KCNN1: variants seen among roughly 807,000 people sequenced by gnomAD.
The protein encoded by KCNN1 is small conductance calcium-activated potassium channel protein 1.
A neutral mutation model predicts 44.7 loss-of-function variants in KCNN1; 20 were observed. The ratio of observed to expected loss-of-function variants is 0.45; its 90% confidence interval spans 0.32 to 0.65. The LOEUF is 0.65. Ranked by LOEUF, KCNN1 falls within the 30% of genes least tolerant of loss-of-function variation. The probability of loss-of-function intolerance (pLI) is 0.05; values close to 1 mark genes in which losing one functional copy is unlikely to be tolerated. For synonymous variants in KCNN1, 324 were observed against 341.7 expected, an observed-to-expected ratio of 0.95 and a Z score of 0.57; for missense variants, 632 against 785.3, an observed-to-expected ratio of 0.80 and a Z score of 2.33.
chr19:17,957,298 AGGAG>A (rs989586487), intron 2 of KCNN1, among the ~76,000 whole-genome samples: 2 of 123,246 alleles, frequency 1.6e-5, no homozygotes, highest in Non-Finnish European at 3.4e-5. Flanking sequence ...GAGGGAGGGT[AGGAG>A]GGAGGGAGAG....
Position 17,985,113 on chromosome 19 carries a change from T to C in KCNN1, c.918-199T>C, listed in dbSNP as rs112205677. Reference sequence around the variant, plus strand: ...TCTCTGCCCCATCCAGGGAAGCAGCTTGGGGGGGCAGGCAAAGGGAATGTG... The same window carrying C: ...TCTCTGCCCCATCCAGGGAAGCAGCCTGGGGGGGCAGGCAAAGGGAATGTG... On this transcript the variant is annotated intron_variant, in intron 4 of 9. Coordinates refer to ENST00000684775, the MANE Select transcript of KCNN1 (RefSeq NM_001386974.1). Among the ~76,000 whole-genome samples the C allele has an allele frequency of 9.0e-4, 137 of 152,162 alleles. 1 individual carries two copies. Among genetic ancestry groups the C allele is most frequent in the African/African-American group, 2.9e-3 (120 of 41,514 alleles).
intron 9 of KCNN1, among the ~76,000 whole-genome samples, chr19:17,994,251 C>A (rs528954264): frequency 6.6e-6 from 1 of 151,824 alleles, no homozygotes; most frequent in African/African-American, 2.4e-5. Flanking sequence ...TTGAGACCAG[C>A]CTGGGCAGCA....
In KCNN1 at chr19:17,998,056, G is replaced by A. The variant is rs556449872; in HGVS notation, c.1378-96G>A. 1.2e-5 allele frequency: 16 copies of A among 1,354,536 alleles called. No individual in the cohort carries two copies. Among genetic ancestry groups the A allele is most frequent in the African/African-American group, 5.9e-5 (4 of 68,064 alleles). 83.9% of individuals were successfully genotyped at this position (1,354,536 alleles called of 1,614,324 possible). On this transcript the variant is annotated intron_variant, in intron 9 of 9. Transcript: ENST00000684775. This position sits in a 1 kb window ranked among gnomAD's most constrained non-coding sequence, Gnocchi z 5.4. ...TTAGTGGCTGGCACCCACCTGGAGCGTGTGGGCTGTCCCTCTCTGTCATTG... is the reference window on the plus strand; with the variant it reads ...TTAGTGGCTGGCACCCACCTGGAGCATGTGGGCTGTCCCTCTCTGTCATTG...
chr19:17,974,245 C>T lies in KCNN1; in HGVS notation c.357C>T (p.Val119=), dbSNP rs367789127. The part of the protein sequence containing the change: ...YALIFGMFGI[V]VMVTETELSW... Reference sequence around the variant, plus strand: ...TCATTTTCGGCATGTTTGGCATCGTCGTCATGGTGACGGAGACCGAGCTGT... The same window carrying T: ...TCATTTTCGGCATGTTTGGCATCGTTGTCATGGTGACGGAGACCGAGCTGT... The change falls in exon 2 of 10, where the codon GTC becomes GTT. Residue 119 remains valine, a synonymous_variant. Coordinates refer to ENST00000684775, the MANE Select transcript of KCNN1 (RefSeq NM_001386974.1). This position sits in a 1 kb window ranked among gnomAD's most constrained non-coding sequence, Gnocchi z 7.3. 1.8e-4 allele frequency: 288 copies of T among 1,606,882 alleles called. 2 individuals are homozygous for T. In the African/African-American group the frequency reaches 3.3e-3, roughly 18 times the overall value.
intron 1 of KCNN1, among the ~76,000 whole-genome samples, chr19:17,951,974 G>C (rs1328673474): frequency 2.6e-5 from 4 of 152,260 alleles, no homozygotes; most frequent in Non-Finnish European, 5.9e-5. Context: ...CCTTGGGCCA[G>C]AGGCGGCAGA....
Position 18,000,076 on chromosome 19 carries a change from T to A in KCNN1, c.*1670T>A, listed in dbSNP as rs1599388881. 2 of 454,608 alleles carry A rather than the reference T, an allele frequency of 4.4e-6. No individual in the cohort carries two copies. Among genetic ancestry groups the A allele is most frequent in the East Asian group, 7.0e-5 (1 of 14,384 alleles). 28.2% of individuals were successfully genotyped at this position (454,608 alleles called of 1,614,324 possible). A position where few individuals can be genotyped will look rare whatever the true frequency, so the allele number is the denominator to read the frequency against. ...TAAATGCTCCTTCCCGCCTGAGGGA[T>A]CACACTGGAGTCTTTGGCAGGACTC... On this transcript the variant is annotated 3_prime_UTR_variant, in exon 10 of 10. Coordinates refer to ENST00000684775, the MANE Select transcript of KCNN1 (RefSeq NM_001386974.1).
At chr19:17,967,418 A>G (rs1409005828) in intron 1 of KCNN1, 101 bp downstream of exon 1, 12 of 529,312 alleles carry the variant, frequency 2.3e-5, no homozygotes, top group Non-Finnish European at 2.9e-5. Flanking sequence ...GGTTTGGGGC[A>G]GGGGCCAAGA....
At chr19:17,980,880 C>T (rs1223695754) in intron 3 of KCNN1, among the ~76,000 whole-genome samples, 5 of 151,454 alleles carry the variant, frequency 3.3e-5, no homozygotes, top group Non-Finnish European at 5.9e-5. Flanking sequence ...CACTCCAGCC[C>T]GGGCACAGAG....
chr19:17,983,754 C>G lies in KCNN1; in HGVS notation c.918-1558C>G, dbSNP rs1481399396. Among the ~76,000 whole-genome samples the G allele has an allele frequency of 6.6e-6, 1 of 152,046 alleles. No individual in the cohort carries two copies. The highest frequency in any genetic ancestry group is 2.4e-5 in the African/African-American group (1 of 41,402). On this transcript the variant is annotated intron_variant, in intron 4 of 9. Coordinates refer to ENST00000684775, the MANE Select transcript of KCNN1 (RefSeq NM_001386974.1). This position sits in a 1 kb window ranked among gnomAD's most constrained non-coding sequence, Gnocchi z 4.5. ...GTGGTCCCGCGGCACCCCCCACCAT[C>G]GCTCCGTCTGGATCTGGGGCTCACC...
intron 5 of KCNN1, among the ~76,000 whole-genome samples, 158 bp from the exon 6 acceptor site, chr19:17,988,257 T>C (rs774815259): frequency 1.1e-4 from 16 of 151,034 alleles, no homozygotes; most frequent in Non-Finnish European, 1.6e-4. Flanking sequence ...ATTTGATGAA[T>C]AGGAAACGAG....
At position 17,993,116 on chromosome 19, in the gene KCNN1, G is replaced by A. The variant is rs2032853681; in HGVS notation, c.1307+54G>A. 1 of 1,609,032 alleles carries A rather than the reference G, an allele frequency of 6.2e-7. No individual in the cohort carries two copies. Among genetic ancestry groups the A allele is most frequent in the Non-Finnish European group, 8.5e-7 (1 of 1,176,098 alleles). ...GCTGGGAAATCGGGGGTGCATGGTG[G>A]TCACAGACAGGGGGTACACCCGGGG... On this transcript the variant is annotated intron_variant, in intron 8 of 9. Coordinates refer to ENST00000684775, the MANE Select transcript of KCNN1 (RefSeq NM_001386974.1). The surrounding 1 kb of genome is among the most constrained non-coding windows in gnomAD (Gnocchi z 4.5).
chr19:17,952,927 G>T (rs1274503368), intron 1 of KCNN1, among the ~76,000 whole-genome samples: 1 of 152,182 alleles, frequency 6.6e-6, no homozygotes, highest in Non-Finnish European at 1.5e-5. Context: ...CTGGGCTGGG[G>T]CAGAGCAGGT....
chr19:17,964,095 A>T (rs555378990), upstream of KCNN1, among the ~76,000 whole-genome samples: 9 of 152,268 alleles, frequency 5.9e-5, no homozygotes, highest in East Asian at 1.3e-3. This position sits in a 1 kb window ranked among gnomAD's most constrained non-coding sequence, Gnocchi z 4.3. Flanking sequence ...AGAAGGGGCT[A>T]TGTGGATATG....
rs41278194 is a variant in KCNN1, at chr19:17,989,743, A to C, written c.1198A>C (p.Arg400=). Residue 400 remains arginine (R), a synonymous_variant, in exon 7 of 10, where the codon AGG becomes CGG. Transcript: ENST00000684775. ...AAAAAACGCCGCTGCTAACGTTCTC[A>C]GGGAGACGTGGCTCATCTACAAACA... ...RVKNAAANVL[R]ETWLIYKHTR... is the part of the protein sequence containing the mutation. 14,443 of 1,613,888 alleles carry C rather than the reference A, an allele frequency of 8.9e-3. 74 individuals are homozygous for C. Among genetic ancestry groups the C allele is most frequent in the Non-Finnish European group, 0.011 (12,679 of 1,179,844 alleles).
In KCNN1 at chr19:17,999,743, G is replaced by T. The variant is rs1385437654; in HGVS notation, c.*1337G>T. 14 of 317,170 alleles carry T rather than the reference G, an allele frequency of 4.4e-5. No homozygotes were observed. The highest frequency in any genetic ancestry group is 7.7e-5 in the Non-Finnish European group (12 of 156,082). The allele number at this position is 317,170 out of a possible 1,614,324, so 19.6% of individuals were successfully genotyped here. ...TGGGGCGAGGAGGCCTGGCTCCTGG[G>T]GAGACGACGCTGTGCATAGCCGAGG... On this transcript the variant is annotated 3_prime_UTR_variant, in exon 10 of 10. Transcript: ENST00000684775.
chr19:17,959,873 G>A (rs1408574737), intron 2 of KCNN1, among the ~76,000 whole-genome samples: 3 of 151,414 alleles, frequency 2.0e-5, no homozygotes, highest in African/African-American at 4.8e-5. Flanking sequence ...TCACGAGGTC[G>A]GGAGTTTGAG....
intron 5 of KCNN1, among the ~76,000 whole-genome samples, chr19:17,987,914 G>A (rs576002416): frequency 9.3e-5 from 14 of 150,988 alleles, no homozygotes; most frequent in Non-Finnish European, 1.3e-4. Context: ...AGGCCAAGGC[G>A]GGTGGATCAC....
upstream of KCNN1, among the ~76,000 whole-genome samples, chr19:17,962,682 C>G (rs2031708612): frequency 6.6e-6 from 1 of 151,854 alleles, no homozygotes; most frequent in Non-Finnish European, 1.5e-5. Flanking sequence ...CCCAGGAGCC[C>G]GAGGGAGCCA....
chr19:17,998,363 C>G lies in KCNN1; in HGVS notation c.1589C>G (p.Ser530Cys). 1 of 1,504,766 alleles carries G rather than the reference C, an allele frequency of 6.6e-7. No homozygotes were observed. The highest frequency in any genetic ancestry group is 8.9e-7 in the Non-Finnish European group (1 of 1,129,642). The allele number at this position is 1,504,766 out of a possible 1,614,324, so 93.2% of individuals were successfully genotyped here. A position where few individuals can be genotyped will look rare whatever the true frequency, so the allele number is the denominator to read the frequency against. ...PGPQDQAARS[S>C]PCRWTPVAPS... ...CCCCAAGACCAGGCAGCCCGGAGCT[C>G]CCCCTGCCGGTGGACGCCCGTGGCC... is the stretch of plus-strand genomic sequence containing the variant. Residue 530 changes from serine (S) to cysteine (C), a missense_variant, in exon 10 of 10, where the codon TCC (serine) becomes TGC (cysteine). Physicochemically the swap from Ser to Cys is moderately radical, Grantham distance 112 (BLOSUM62 -1). Coordinates refer to ENST00000684775, the MANE Select transcript of KCNN1 (RefSeq NM_001386974.1). The surrounding 1 kb of genome is among the most constrained non-coding windows in gnomAD (Gnocchi z 5.4).
Sources: allele counts gnomAD v4.1 joint callset (sites outside exome capture counted in the v4.1 genomes callset), GRCh38; gene constraint gnomAD v4.1.1; non-coding constraint Gnocchi (gnomAD v3.1); transcripts MANE v1.5; gene names NCBI Gene and HGNC (gene_info 2026-07-23, HGNC 2026-07-21).